Variants in LMNTD1 observed in about 807,000 individuals in gnomAD.
LMNTD1 encodes the protein lamin tail domain containing 1.
LMNTD1 carries 35 observed loss-of-function variants against 50.9 expected under a neutral mutation model. The ratio of observed to expected loss-of-function variants is 0.69; its 90% CI spans 0.53 to 0.91. The LOEUF (loss-of-function observed/expected upper bound fraction) is 0.91. LMNTD1 is among the 40% of genes least tolerant of loss of function. The pLI, the probability that LMNTD1 is intolerant of heterozygous loss-of-function variation, is 0.00. For missense variants in LMNTD1, 470 were observed against 475.5 expected, an observed-to-expected ratio of 0.99 and a Z score of 0.11; for synonymous variants, 153 against 161.9, an observed-to-expected ratio of 0.94 and a Z score of 0.42.
chr12:25,616,093 A>AACAC (rs10564512), intron 1 of LMNTD1, among the ~76,000 whole-genome samples: 404 of 148,692 alleles, frequency 2.7e-3, no homozygotes, highest in African/African-American at 5.0e-3. Context: ...ACACACACAT[A>AACAC]ACACACACAC....
intron 1 of LMNTD1, among the ~76,000 whole-genome samples, chr12:25,634,209 AG>A (rs758491592): frequency 4.5e-4 from 68 of 152,340 alleles, no homozygotes; most frequent in Admixed American, 2.0e-3. Context: ...CAACAAAAAA[AG>A]TCCAGGACTA....
chr12:25,491,291 G>A (rs778033556), intron 9 of LMNTD1, among the ~76,000 whole-genome samples: 4 of 152,184 alleles, frequency 2.6e-5, no homozygotes, highest in Non-Finnish European at 4.4e-5. Flanking sequence ...TCTGAAATGT[G>A]TTTCTTTTGG....
At position 25,580,142 on chromosome 12, in the gene LMNTD1, T is replaced by C. The variant is rs568810700; in HGVS notation, c.59-33588A>G. 2.0e-5 allele frequency among the ~76,000 whole-genome samples: 3 copies of C among 152,344 alleles called. No individual in the cohort carries two copies. In the South Asian group the frequency reaches 6.2e-4, roughly 32 times the overall value. ...GTTTAGTTGTGTCCTCTGCCTAGAA[T>C]GCCATGTCCTCTTTTGTCCAATGGA... On this transcript the variant is annotated intron_variant, in intron 1 of 7. Coordinates refer to the LMNTD1 transcript ENST00000445693.
chr12:25,617,647 A>G (rs962013607), intron 1 of LMNTD1, among the ~76,000 whole-genome samples: 3 of 152,238 alleles, frequency 2.0e-5, no homozygotes. Context: ...GAATTGATAG[A>G]TATTTCCTTA....
intron 1 of LMNTD1, among the ~76,000 whole-genome samples, chr12:25,621,626 A>G (rs1946474614): frequency 6.6e-6 from 1 of 152,204 alleles, no homozygotes; most frequent in Admixed American, 6.5e-5. Flanking sequence ...TCTTAAATGA[A>G]TAATTCTGTT....
upstream of LMNTD1, among the ~76,000 whole-genome samples, chr12:25,553,534 A>C (rs1468222023): frequency 6.6e-6 from 1 of 151,918 alleles, no homozygotes; most frequent in African/African-American, 2.4e-5. Flanking sequence ...AATTAATCAC[A>C]ACTCTTTTCT....
rs374673849 is a variant in LMNTD1 at position 25,520,225 on chromosome 12, G to A, written c.799-150C>T. 8 of 193,832 alleles carry A rather than the reference G, an allele frequency of 4.1e-5. No homozygotes were observed. In the East Asian group the frequency reaches 5.2e-4, roughly 13 times the overall value. The allele number at this position is 193,832 out of a possible 1,614,324, so 12.0% of individuals were successfully genotyped here. A position where few individuals can be genotyped will look rare whatever the true frequency, so the allele number is the denominator to read the frequency against. Reference sequence around the variant, plus strand: ...CAAATTAAGGTATTTATTGTCTCACGTAGTTACTTTTTTATGACAAGAGCA... The same window carrying A: ...CAAATTAAGGTATTTATTGTCTCACATAGTTACTTTTTTATGACAAGAGCA... On this transcript the variant is annotated intron_variant, in intron 6 of 9. Transcript: ENST00000458174.
intron 1 of LMNTD1, among the ~76,000 whole-genome samples, chr12:25,584,472 T>C (rs959088501): frequency 6.6e-6 from 1 of 152,188 alleles, no homozygotes; most frequent in South Asian, 2.1e-4. Context: ...CTTTCGAGAA[T>C]TGACTTCTAA....
At chr12:25,628,568 G>A (rs1023229312) in intron 1 of LMNTD1, among the ~76,000 whole-genome samples, 2 of 152,162 alleles carry the variant, frequency 1.3e-5, no homozygotes, top group African/African-American at 4.8e-5. Flanking sequence ...TGCAGATGTG[G>A]TCAAGTTAAA....
intron 1 of LMNTD1, among the ~76,000 whole-genome samples, chr12:25,621,745 T>C (rs35187686): frequency 0.087 from 13,303 of 152,192 alleles, 649 homozygotes; most frequent in Middle Eastern, 0.18. Flanking sequence ...AAATGAATAA[T>C]CAAAGTCTCT....
At chr12:25,648,353 T>G (rs761318454) in intron 1 of LMNTD1, 1 of 667,054 alleles carries the variant, frequency 1.5e-6, no homozygotes, top group Non-Finnish European at 2.7e-6. Flanking sequence ...AAATTTCACG[T>G]TTATGAAAAA....
At chr12:25,501,598 T>C (rs1939394716) in intron 9 of LMNTD1, among the ~76,000 whole-genome samples, 1 of 152,146 alleles carries the variant, frequency 6.6e-6, no homozygotes, top group African/African-American at 2.4e-5. Flanking sequence ...CTAAGTGACT[T>C]TGGGCAAGTC....
At chr12:25,571,349 T>TTATG (rs1200518512) in intron 1 of LMNTD1, among the ~76,000 whole-genome samples, 6 of 41,068 alleles carry the variant, frequency 1.5e-4, no homozygotes, top group African/African-American at 2.5e-4. Flanking sequence ...TTTTATTTAT[T>TTATG]TATTTATTTA....
intron 4 of LMNTD1, among the ~76,000 whole-genome samples, chr12:25,536,043 T>A (rs1479608546): frequency 6.6e-6 from 1 of 152,172 alleles, no homozygotes; most frequent in Non-Finnish European, 1.5e-5. Context: ...TTCCTAAATG[T>A]TTCTGTTTCT....
chr12:25,576,166 T>C (rs1337046343), intron 1 of LMNTD1, among the ~76,000 whole-genome samples: 1 of 152,196 alleles, frequency 6.6e-6, no homozygotes, highest in African/African-American at 2.4e-5. Flanking sequence ...TGCATGTGTC[T>C]TTATAGCAGC....
intron 4 of LMNTD1, among the ~76,000 whole-genome samples, chr12:25,530,316 T>C (rs1942132464): frequency 1.3e-5 from 2 of 152,228 alleles, no homozygotes; most frequent in Non-Finnish European, 1.5e-5. Context: ...CTAAAATTTT[T>C]ACTGTGATAA....
intron 6 of LMNTD1, among the ~76,000 whole-genome samples, chr12:25,522,494 G>A (rs73074394): frequency 1.3e-5 from 2 of 152,282 alleles, no homozygotes; most frequent in Non-Finnish European, 2.9e-5. Context: ...TAGAAGATAT[G>A]GTTTTATTTT....
chr12:25,625,950 C>T (rs1008529215), intron 1 of LMNTD1, among the ~76,000 whole-genome samples: 3 of 152,234 alleles, frequency 2.0e-5, no homozygotes, highest in African/African-American at 7.2e-5. Context: ...GGCCTCTTCA[C>T]AAATCGGTTA....
rs369661045 is a variant in LMNTD1, at chr12:25,497,969, G to A, written c.*22+5769C>T. On this transcript the variant is annotated intron_variant, in intron 9 of 9. Coordinates refer to ENST00000458174, the MANE Select transcript of LMNTD1 (RefSeq NM_001145728.2). Reference sequence around the variant, plus strand: ...TTTTAATCTTTTAAAAGAAGATATTGGGGAAAAATTCTCACTTCTCTCCTT... The same window carrying A: ...TTTTAATCTTTTAAAAGAAGATATTAGGGAAAAATTCTCACTTCTCTCCTT... Among the ~76,000 whole-genome samples, 11 of 152,120 alleles carry A rather than the reference G, an allele frequency of 7.2e-5. No individual in the cohort carries two copies. The East Asian group carries it at 1.5e-3, about 21-fold the overall frequency.
Sources: gnomAD v4.1 joint callset for allele counts (sites outside exome capture counted in the v4.1 genomes callset) on GRCh38, gnomAD v4.1.1 for gene constraint, MANE v1.5 for transcripts, NCBI Gene and HGNC (gene_info 2026-07-23, HGNC 2026-07-21) for gene names.